PEX5L: variants seen among roughly 807,000 people sequenced by gnomAD.
The protein encoded by PEX5L is PEX5-related protein.
A neutral mutation model predicts 84.0 loss-of-function variants in PEX5L; 30 were observed. The ratio of observed to expected loss-of-function variants is 0.36; its 90% confidence interval spans 0.27 to 0.48. The LOEUF (loss-of-function observed/expected upper bound fraction) is 0.48. PEX5L is among the 20% of genes least tolerant of loss of function. PEX5L has a pLI of 0.99. For missense variants in PEX5L, 533 were observed against 754.6 expected (o/e 0.71, Z 3.44); for synonymous variants, 270 against 283.1 (o/e 0.95, Z 0.46).
intron 2 of PEX5L, among the ~76,000 whole-genome samples, chr3:179,910,472 A>C (rs1313956628): frequency 6.6e-6 from 1 of 152,254 alleles, no homozygotes; most frequent in African/African-American, 2.4e-5. Flanking sequence ...TCTATTAGTT[A>C]ATATAGACAT....
chr3:179,818,948 T>A (rs1046989099), intron 9 of PEX5L, among the ~76,000 whole-genome samples: 7 of 151,608 alleles, frequency 4.6e-5, no homozygotes, highest in African/African-American at 1.7e-4. Context: ...GTTGAAGTGA[T>A]CCTCCCACCT....
chr3:179,917,114 C>T (rs560286933), intron 2 of PEX5L, among the ~76,000 whole-genome samples: 3 of 151,066 alleles, frequency 2.0e-5, no homozygotes, highest in Admixed American at 2.0e-4. Context: ...TTCTTTTTTC[C>T]TTTTTAAAAA....
intron 8 of PEX5L, among the ~76,000 whole-genome samples, chr3:179,835,805 T>G (rs1480536199): frequency 2.6e-5 from 4 of 152,212 alleles, no homozygotes; most frequent in Admixed American, 2.6e-4. Context: ...AAAGCAGATT[T>G]AAATTAGGGA....
At chr3:179,976,115 G>A (rs1378380411) in intron 1 of PEX5L, among the ~76,000 whole-genome samples, 1 of 152,214 alleles carries the variant, frequency 6.6e-6, no homozygotes, top group Non-Finnish European at 1.5e-5. Context: ...CTAGAGAACA[G>A]TTGCATTTAA....
intron 2 of PEX5L, among the ~76,000 whole-genome samples, chr3:179,967,369 G>A (rs1452670555): frequency 6.6e-6 from 1 of 152,140 alleles, no homozygotes; most frequent in African/African-American, 2.4e-5. Context: ...GAGGTGGAGA[G>A]TGAAGTGGTG....
At chr3:179,963,079 A>C (rs1012940479) in intron 2 of PEX5L, among the ~76,000 whole-genome samples, 39 of 152,238 alleles carry the variant, frequency 2.6e-4, no homozygotes, top group African/African-American at 9.2e-4. Flanking sequence ...TATTTGTTGA[A>C]CTTGAGATGG....
chr3:179,933,484 T>C (rs1226780826), intron 2 of PEX5L, among the ~76,000 whole-genome samples: 1 of 151,984 alleles, frequency 6.6e-6, no homozygotes, highest in Non-Finnish European at 1.5e-5. Context: ...ACCAGTGAAA[T>C]TTCTATTGCT....
chr3:179,999,667 G>C (rs1788210860), intron 1 of PEX5L, among the ~76,000 whole-genome samples: 1 of 152,214 alleles, frequency 6.6e-6, no homozygotes, highest in South Asian at 2.1e-4. Flanking sequence ...TATTCTGCAT[G>C]CAATGCTTCT....
At chr3:180,019,871 T>G (rs1364984108) in intron 1 of PEX5L, among the ~76,000 whole-genome samples, 1 of 152,180 alleles carries the variant, frequency 6.6e-6, no homozygotes, top group East Asian at 1.9e-4. Context: ...ATAAGGATAT[T>G]TCTAAAGCAG....
At chr3:179,964,581 G>A (rs1579057837) in intron 2 of PEX5L, among the ~76,000 whole-genome samples, 1 of 152,206 alleles carries the variant, frequency 6.6e-6, no homozygotes, top group South Asian at 2.1e-4. Flanking sequence ...GAATCTTTAA[G>A]GCACTTAAAC....
At chr3:180,017,025 T>C (rs1479172714) in intron 1 of PEX5L, among the ~76,000 whole-genome samples, 2 of 152,208 alleles carry the variant, frequency 1.3e-5, no homozygotes, top group Non-Finnish European at 2.9e-5. Context: ...GAAGTTATAT[T>C]TTCATGATGA....
intron 11 of PEX5L, among the ~76,000 whole-genome samples, chr3:179,811,217 ATGTGTGTGTG>A (rs59791968): frequency 0.061 from 9,194 of 150,184 alleles, 923 homozygotes; most frequent in African/African-American, 0.21. Context: ...TATGGAATGT[ATGTGTGTGTG>A]TGTGTGTGTG....
At chr3:179,984,364 A>T (rs1279507413) in intron 1 of PEX5L, among the ~76,000 whole-genome samples, 1 of 152,046 alleles carries the variant, frequency 6.6e-6, no homozygotes, top group Non-Finnish European at 1.5e-5. Flanking sequence ...TTTTTTTTGG[A>T]AATGAAGTTT....
chr3:179,905,280 T>TC (rs1762755715), intron 2 of PEX5L, among the ~76,000 whole-genome samples: 1 of 151,148 alleles, frequency 6.6e-6, no homozygotes, highest in African/African-American at 2.4e-5. Flanking sequence ...CTGTGTCCTT[T>TC]TTTTTTTTTT....
intron 1 of PEX5L, among the ~76,000 whole-genome samples, chr3:179,972,284 C>CTT (rs150433099): frequency 8.3e-5 from 12 of 144,766 alleles, no homozygotes; most frequent in African/African-American, 3.0e-4. Context: ...TGTAAATGCA[C>CTT]TTTTTTTTTT....
intron 8 of PEX5L, among the ~76,000 whole-genome samples, chr3:179,854,665 G>A (rs915665006): frequency 3.9e-5 from 6 of 152,108 alleles, no homozygotes; most frequent in African/African-American, 9.7e-5. Flanking sequence ...GAAAAAAAGC[G>A]TTACCCATAC....
At chr3:179,989,264 G>C (rs1053553855) in intron 1 of PEX5L, among the ~76,000 whole-genome samples, 1 of 152,204 alleles carries the variant, frequency 6.6e-6, no homozygotes, top group Non-Finnish European at 1.5e-5. Context: ...CGATCTAGGA[G>C]AGCATGATAA....
chr3:179,939,031 C>T (rs1775363137), intron 2 of PEX5L, among the ~76,000 whole-genome samples: 1 of 152,186 alleles, frequency 6.6e-6, no homozygotes, highest in Admixed American at 6.5e-5. Context: ...GGCTCAGGGG[C>T]TGGGAAAAGA....
intron 9 of PEX5L, among the ~76,000 whole-genome samples, chr3:179,817,362 A>G (rs1366561919): frequency 6.6e-6 from 1 of 152,192 alleles, no homozygotes; most frequent in African/African-American, 2.4e-5. Context: ...TATGTTATTA[A>G]AATTATTCCC....
Sources: gnomAD v4.1 joint callset for allele counts (sites outside exome capture counted in the v4.1 genomes callset) on GRCh38, gnomAD v4.1.1 for gene constraint, MANE v1.5 for transcripts, NCBI Gene and HGNC (gene_info 2026-07-23, HGNC 2026-07-21) for gene names.